The following DOK6 variants were observed in gnomAD, a reference collection of about 807,000 sequenced individuals.
DOK6 encodes the protein downstream of tyrosine kinase 6.
In DOK6, 22 loss-of-function variants were observed where a neutral mutation model predicts 44.0. The ratio of observed to expected loss-of-function variants is 0.50; its 90% CI spans 0.36 to 0.71. The LOEUF (loss-of-function observed/expected upper bound fraction) is 0.71, where lower values mean the gene tolerates loss of function less well. Among genes scored for constraint, DOK6 ranks in the 30% least tolerant of loss-of-function variants. The pLI, the probability that DOK6 is intolerant of heterozygous loss-of-function variation, is 0.00. For missense variants in DOK6, 340 were observed against 416.4 expected, an observed-to-expected ratio of 0.82 and a Z score of 1.60; for synonymous variants, 166 against 145.5, an observed-to-expected ratio of 1.14 and a Z score of -1.01.
At chr18:69,617,517 AAGAAAGAAAG>A in intron 3 of DOK6, among the ~76,000 whole-genome samples, 1 of 24,442 alleles carries the variant, frequency 4.1e-5, no homozygotes, top group Admixed American at 4.6e-4. Flanking sequence ...AAAGAAAGAA[AAGAAAGAAAG>A]GAAAGAAAGA....
chr18:69,493,075 G>A (rs571348251), intron 1 of DOK6, among the ~76,000 whole-genome samples: 92 of 151,970 alleles, frequency 6.1e-4, no homozygotes, highest in Non-Finnish European at 1.0e-3. Context: ...TGATGTCATT[G>A]TATGACAGTC....
intron 5 of DOK6, among the ~76,000 whole-genome samples, chr18:69,712,731 C>T (rs1568341484): frequency 6.6e-6 from 1 of 152,058 alleles, no homozygotes; most frequent in Non-Finnish European, 1.5e-5. Context: ...CCTGTAGTCC[C>T]AGCTACTCAG....
chr18:69,563,075 A>G (rs150329821), intron 1 of DOK6, among the ~76,000 whole-genome samples: 3,351 of 152,308 alleles, frequency 0.022, 102 homozygotes, highest in African/African-American at 0.07. Context: ...GGCCATCAGA[A>G]AAATGCAAAT....
chr18:69,594,148 A>G (rs796702952), intron 2 of DOK6, among the ~76,000 whole-genome samples: 7 of 151,786 alleles, frequency 4.6e-5, no homozygotes, highest in African/African-American at 1.7e-4. Flanking sequence ...TCTCCAGGGT[A>G]TTAATTCTCA....
At chr18:69,749,737 G>A (rs908752126) in intron 6 of DOK6, among the ~76,000 whole-genome samples, 1 of 151,922 alleles carries the variant, frequency 6.6e-6, no homozygotes, top group African/African-American at 2.4e-5. Flanking sequence ...TCAAGAGATC[G>A]AGACCATCCT....
chr18:69,606,762 T>TGAATC (rs1984006753), intron 3 of DOK6, among the ~76,000 whole-genome samples: 1 of 146,442 alleles, frequency 6.8e-6, no homozygotes, highest in African/African-American at 2.5e-5. Context: ...AAAGGATTTT[T>TGAATC]TTTTTTTTTT....
intron 1 of DOK6, among the ~76,000 whole-genome samples, chr18:69,490,781 T>A (rs992079360): frequency 6.6e-6 from 1 of 152,268 alleles, no homozygotes; most frequent in Admixed American, 6.5e-5. Flanking sequence ...GAGATCAATG[T>A]AATAAAATTG....
intron 3 of DOK6, among the ~76,000 whole-genome samples, chr18:69,670,114 G>A (rs182072963): frequency 6.6e-6 from 1 of 152,072 alleles, no homozygotes. Context: ...TTATCAATTT[G>A]ATTTTCCTTC....
intron 7 of DOK6, among the ~76,000 whole-genome samples, chr18:69,837,557 C>T (rs73970283): frequency 5.4e-4 from 71 of 132,078 alleles, no homozygotes; most frequent in African/African-American, 1.8e-3. Flanking sequence ...GTGGAGAAAG[C>T]GCAGGTGTTC....
At chr18:69,673,292 C>T (rs904539660) in intron 3 of DOK6, among the ~76,000 whole-genome samples, 2 of 151,874 alleles carry the variant, frequency 1.3e-5, no homozygotes, top group African/African-American at 4.8e-5. Context: ...CATTTTGGAT[C>T]ATTTAACTTT....
chr18:69,483,364 C>G (rs1980484098), intron 1 of DOK6, among the ~76,000 whole-genome samples: 1 of 151,964 alleles, frequency 6.6e-6, no homozygotes, highest in South Asian at 2.1e-4. Context: ...CAGGAATGAA[C>G]TCTCATTCAC....
intron 2 of DOK6, among the ~76,000 whole-genome samples, chr18:69,581,033 A>G (rs999555508): frequency 2.6e-5 from 4 of 152,146 alleles, no homozygotes; most frequent in African/African-American, 9.7e-5. Context: ...TTATTTTCTT[A>G]ATTTCTTGTT....
At chr18:69,826,137 C>T (rs1048580806) in intron 7 of DOK6, among the ~76,000 whole-genome samples, 28 of 152,256 alleles carry the variant, frequency 1.8e-4, no homozygotes, top group African/African-American at 6.3e-4. Context: ...AGTAAATTGA[C>T]ATAAATGGGA....
chr18:69,797,769 T>C (rs1021659949), intron 7 of DOK6, among the ~76,000 whole-genome samples: 1 of 152,154 alleles, frequency 6.6e-6, no homozygotes, highest in Non-Finnish European at 1.5e-5. Flanking sequence ...GTGCTATCAC[T>C]AAGCCTTATA....
At chr18:69,622,426 A>G (rs947492264) in intron 3 of DOK6, among the ~76,000 whole-genome samples, 2 of 152,204 alleles carry the variant, frequency 1.3e-5, no homozygotes, top group Non-Finnish European at 2.9e-5. Flanking sequence ...CTCTTATGTC[A>G]CAATGCAGCC....
At chr18:69,612,407 G>GCATGTGTGCGAGGGCGCATGTGTGCA (rs1984167553) in intron 3 of DOK6, among the ~76,000 whole-genome samples, 2 of 146,706 alleles carry the variant, frequency 1.4e-5, no homozygotes, top group African/African-American at 5.0e-5. Flanking sequence ...CTTTGTGTGC[G>GCATGTGTGCGAGGGCGCATGTGTGCA]AGGGCGCATG....
At chr18:69,519,872 C>T (rs1981638079) in intron 1 of DOK6, among the ~76,000 whole-genome samples, 1 of 151,728 alleles carries the variant, frequency 6.6e-6, no homozygotes, top group African/African-American at 2.4e-5. Context: ...TCAATAAACC[C>T]TTAAATAGAA....
intron 3 of DOK6, chr18:69,662,390 G>A (rs1366414380): frequency 6.6e-6 from 1 of 152,146 alleles, no homozygotes; most frequent in Admixed American, 6.5e-5. Context: ...GCTACTTTTG[G>A]AAGGATTGCT....
At position 69,835,401 on chromosome 18, in the gene DOK6, C is replaced by T. The variant is rs1422429900; in HGVS notation, c.857-5843C>T. ...AATGGCGTGAACCCGGGAGGTGGAG[C>T]TTGCAGTGAGCCAAAATCGCACCAC... On this transcript the variant is annotated intron_variant, in intron 7 of 7. Coordinates refer to ENST00000382713, the MANE Select transcript of DOK6 (RefSeq NM_152721.6). Among the ~76,000 whole-genome samples, 6 of 151,950 alleles carry T rather than the reference C, an allele frequency of 3.9e-5. No homozygotes were observed. In the South Asian group the frequency reaches 1.2e-3, roughly 32 times the overall value.
Sources: allele counts gnomAD v4.1 joint callset (sites outside exome capture counted in the v4.1 genomes callset), GRCh38; gene constraint gnomAD v4.1.1; transcripts MANE v1.5; gene names NCBI Gene and HGNC (gene_info 2026-07-23, HGNC 2026-07-21).